Variants in DMD observed in about 807,000 individuals in gnomAD.
DMD encodes the protein dystrophin.
In DMD, 63 loss-of-function variants were observed where a neutral mutation model predicts 330.1. The ratio of observed to expected loss-of-function variants is 0.19; its 90% CI spans 0.16 to 0.24. The LOEUF (loss-of-function observed/expected upper bound fraction) is 0.24, where lower values mean the gene tolerates loss of function less well. Ranked by LOEUF, DMD falls within the 10% of genes least tolerant of loss-of-function variation. The pLI, the probability that DMD is intolerant of heterozygous loss-of-function variation, is 1.00. For synonymous variants in DMD, 1,223 were observed against 959.8 expected (o/e 1.27, Z -5.07); for missense variants, 3,344 against 2,684.1 (o/e 1.25, Z -5.43).
At chrX:31,180,744 G>C (rs922383368) in intron 68 of DMD, among the ~76,000 whole-genome samples, 2 of 111,409 alleles carry the variant, frequency 1.8e-5, no homozygotes, top group Non-Finnish European at 3.8e-5. Context: ...ACTCCACTAG[G>C]AACTCTTTGA....
chrX:31,507,537 A>T (rs944109778), intron 55 of DMD, 84 bp from the exon 56 acceptor site: 4 of 899,685 alleles, frequency 4.4e-6, no homozygotes, highest in Admixed American at 2.7e-5. Flanking sequence ...AGAATTGCAA[A>T]ATATAAATAA....
chrX:31,604,001 C>T (rs941883276), intron 55 of DMD, among the ~76,000 whole-genome samples: 2 of 112,331 alleles, frequency 1.8e-5, no homozygotes, highest in African/African-American at 3.2e-5. Flanking sequence ...CTGACAAGTA[C>T]GGACTGTGCT....
At chrX:32,611,879 A>T (rs974442175) in intron 12 of DMD, among the ~76,000 whole-genome samples, 5 of 111,995 alleles carry the variant, frequency 4.5e-5, no homozygotes, top group Non-Finnish European at 9.4e-5. Context: ...AACACTAGAA[A>T]CAAACTCACT....
intron 34 of DMD, among the ~76,000 whole-genome samples, chrX:32,371,306 G>A (rs1215106432): frequency 9.0e-6 from 1 of 111,323 alleles, no homozygotes; most frequent in Non-Finnish European, 1.9e-5. Context: ...AACACCTTCA[G>A]TTAAATTTAT....
chrX:32,539,769 C>T (rs886086876), intron 17 of DMD, among the ~76,000 whole-genome samples: 28 of 111,285 alleles, frequency 2.5e-4, no homozygotes, highest in African/African-American at 9.1e-4. Context: ...ATCAAACAAA[C>T]AAAAAACAGA....
At chrX:33,258,569 T>C (rs1030611865) in intron 1 of DMD, among the ~76,000 whole-genome samples, 1 of 111,494 alleles carries the variant, frequency 9.0e-6, no homozygotes, top group Non-Finnish European at 1.9e-5. Flanking sequence ...TAAATGATGA[T>C]GGAAACCTTT....
intron 44 of DMD, among the ~76,000 whole-genome samples, chrX:32,203,475 C>A (rs899219009): frequency 8.9e-6 from 1 of 112,410 alleles, no homozygotes; most frequent in African/African-American, 3.2e-5. Flanking sequence ...ATTCAGGGAA[C>A]AGTAAATTTT....
intron 43 of DMD, among the ~76,000 whole-genome samples, chrX:32,233,598 CTTTTATTTATTTATTTATTTATTT>C (rs2097176458): frequency 1.1e-5 from 1 of 93,806 alleles, no homozygotes; most frequent in Non-Finnish European, 2.1e-5. Flanking sequence ...ATTTCTTTTT[CTTTTATTTATTTATTTATTTATTT>C]ATTTATTTAT....
chrX:31,363,385 T>A (rs2059054835), intron 60 of DMD, among the ~76,000 whole-genome samples: 1 of 84,800 alleles, frequency 1.2e-5, no homozygotes, highest in South Asian at 6.4e-4. Context: ...TTTTTTTTTT[T>A]TTTTTTTTTT....
intron 55 of DMD, among the ~76,000 whole-genome samples, chrX:31,585,265 A>G (rs1465742476): frequency 9.9e-6 from 1 of 100,703 alleles, no homozygotes; most frequent in African/African-American, 3.7e-5. Context: ...TGGAGGTTGC[A>G]GTGAGCTGTG....
intron 24 of DMD, 117 bp downstream of exon 24, chrX:32,464,469 A>T (rs777798364): frequency 1.1e-4 from 62 of 549,197 alleles, no homozygotes; most frequent in African/African-American, 1.0e-3. Context: ...TAGAAACATT[A>T]AAAAAAATCC....
intron 62 of DMD, among the ~76,000 whole-genome samples, chrX:31,289,912 T>C (rs2053561039): frequency 9.6e-6 from 1 of 103,778 alleles, no homozygotes; most frequent in Non-Finnish European, 2.0e-5. Flanking sequence ...ATTATTATTA[T>C]TATTATTATT....
intron 29 of DMD, among the ~76,000 whole-genome samples, chrX:32,422,104 T>C (rs1301709063): frequency 1.8e-5 from 2 of 111,401 alleles, no homozygotes; most frequent in African/African-American, 6.5e-5. Context: ...GCTTCATTTC[T>C]GGAATACAGA....
intron 1 of DMD, among the ~76,000 whole-genome samples, chrX:33,036,809 GTATA>G (rs150933084): frequency 9.4e-6 from 1 of 105,840 alleles, no homozygotes; most frequent in South Asian, 4.1e-4. Context: ...GCATGTGTGT[GTATA>G]TATATATATA....
intron 44 of DMD, among the ~76,000 whole-genome samples, chrX:32,188,534 C>G (rs773232701): frequency 1.7e-4 from 18 of 105,577 alleles, no homozygotes; most frequent in Non-Finnish European, 3.3e-4. Flanking sequence ...GTGAAATAGG[C>G]TATCCACACA....
chrX:31,417,344 T>C (rs2061925364), intron 60 of DMD, among the ~76,000 whole-genome samples: 1 of 109,675 alleles, frequency 9.1e-6, no homozygotes, highest in Non-Finnish European at 1.9e-5. Flanking sequence ...CAGGCTGGAG[T>C]GCAGTGGCGC....
At chrX:32,337,208 T>C (rs770901936) in intron 41 of DMD, among the ~76,000 whole-genome samples, 74 of 111,402 alleles carry the variant, frequency 6.6e-4, no homozygotes, top group Non-Finnish European at 7.7e-4. Context: ...TACATGGTAA[T>C]GTAAGAGAAA....
Position 31,456,181 on chromosome X carries a change from C to G in DMD, c.8938-11554G>C, listed in dbSNP as rs184642661. On this transcript the variant is annotated intron_variant, in intron 59 of 78. Coordinates refer to ENST00000357033, the MANE Select transcript of DMD (RefSeq NM_004006.3). ...TCAAATATTAGACTGTAACGAAGTT[C>G]ATTTACAAATATTTTCCACTTGTGT... Among the ~76,000 whole-genome samples the G allele has an allele frequency of 4.5e-5, 5 of 112,130 alleles. No homozygotes were observed. The Admixed American group carries it at 4.8e-4, about 11-fold the overall frequency.
chrX:31,234,673 G>A (rs758884763), intron 63 of DMD, among the ~76,000 whole-genome samples: 4 of 112,198 alleles, frequency 3.6e-5, no homozygotes, highest in African/African-American at 1.3e-4. Flanking sequence ...ATCAGTACAC[G>A]TATCCCAGGT....
Sources: allele counts gnomAD v4.1 joint callset (sites outside exome capture counted in the v4.1 genomes callset), GRCh38; gene constraint gnomAD v4.1.1; transcripts MANE v1.5; gene names NCBI Gene and HGNC (gene_info 2026-07-23, HGNC 2026-07-21).